The following OC90 variants were observed in gnomAD, a reference collection of about 807,000 sequenced individuals.
OC90 encodes the protein otoconin 90.
In OC90, 46 loss-of-function variants were observed where a neutral mutation model predicts 47.3. The ratio of observed to expected loss-of-function variants is 0.97; its 90% CI spans 0.77 to 1.24. The LOEUF is 1.24. Ranked by LOEUF, OC90 falls within the 50% of genes most tolerant of loss-of-function variation. The pLI is 0.00. For synonymous variants in OC90, 271 were observed against 219.5 expected, an observed-to-expected ratio of 1.23 and a Z score of -2.07; for missense variants, 688 against 583.9, an observed-to-expected ratio of 1.18 and a Z score of -1.84.
chr8:132,036,728 G>A (rs1055933740), intron 9 of OC90, among the ~76,000 whole-genome samples: 1 of 152,240 alleles, frequency 6.6e-6, no homozygotes, highest in Admixed American at 6.5e-5. Context: ...GAAGGAAAAA[G>A]TCTCTAATCG....
At position 132,041,061 on chromosome 8, in the gene OC90, CT is replaced by C. The variant is rs1823045759; in HGVS notation, c.439del (p.Ser147AlafsTer24). ...ATGCTTACCACATATGATCTTCTTG[CT>C]GACACAATTGACCTCTGTGCTAAGT... ...AKLSTEVNCV[S>X]KKIICESKDN... On this transcript the variant is annotated frameshift_variant, in exon 6 of 14. Coordinates refer to ENST00000254627, the MANE Select transcript of OC90 (RefSeq NM_001080399.3). LOFTEE classifies it high-confidence loss of function. 6.2e-7 allele frequency: 1 copy of C among 1,602,150 alleles called. No homozygotes were observed.
chr8:132,033,234 G>A lies in OC90; in HGVS notation c.734-70C>T, dbSNP rs1278729530. ...AGGAGAGATTTGCAGATGGACATAC[G>A]AAAGCCAAATGCAAACAGATAGAAC... On this transcript the variant is annotated intron_variant, in intron 10 of 13. Transcript: ENST00000254627. The A allele has an allele frequency of 6.8e-6, 10 of 1,481,044 alleles. No individual in the cohort carries two copies. The East Asian group carries it at 1.6e-4, about 24-fold the overall frequency. 91.7% of individuals were successfully genotyped at this position (1,481,044 alleles called of 1,614,324 possible).
At chr8:132,037,275 T>G (rs1223907446) in intron 9 of OC90, among the ~76,000 whole-genome samples, 163 bp downstream of exon 9, 1 of 152,170 alleles carries the variant, frequency 6.6e-6, no homozygotes, top group East Asian at 1.9e-4. Flanking sequence ...TGGGAGGTGA[T>G]TGGATCATGG....
chr8:132,044,713 C>T (rs534809365), intron 3 of OC90, among the ~76,000 whole-genome samples: 111 of 152,254 alleles, frequency 7.3e-4, no homozygotes, highest in African/African-American at 2.6e-3. Context: ...GTACAAATGA[C>T]CCCTGGGTGG....
chr8:132,034,609 G>A (rs1052323720), intron 10 of OC90, among the ~76,000 whole-genome samples, 172 bp downstream of exon 10: 2 of 152,160 alleles, frequency 1.3e-5, no homozygotes, highest in South Asian at 4.1e-4. Flanking sequence ...ACCCTCCCTG[G>A]ACCAGCTGCC....
chr8:132,054,376 C>T (rs939405483), intron 2 of OC90, among the ~76,000 whole-genome samples: 12 of 152,318 alleles, frequency 7.9e-5, no homozygotes, highest in Non-Finnish European at 1.3e-4. Context: ...CATGTTTTTC[C>T]TCACAGGTGT....
At chr8:132,032,174 C>T (rs1212321674) in intron 11 of OC90, 122 bp from the exon 12 acceptor site, 5 of 830,272 alleles carry the variant, frequency 6.0e-6, no homozygotes, top group Non-Finnish European at 9.7e-6. Context: ...AACCCCATGT[C>T]TTACTCGTTG....
At chr8:132,034,472 T>C (rs547125408) in intron 10 of OC90, among the ~76,000 whole-genome samples, 1 of 152,324 alleles carries the variant, frequency 6.6e-6, no homozygotes, top group Non-Finnish European at 1.5e-5. Context: ...GAGCCCAGTG[T>C]CTGCTCTCTG....
chr8:132,043,331 T>G (rs16904580), intron 4 of OC90, among the ~76,000 whole-genome samples: 34,042 of 152,254 alleles, frequency 0.22, 4,145 homozygotes, highest in South Asian at 0.3. Context: ...TTTCTGTCAC[T>G]GCCAATTCAT....
chr8:132,054,828 G>T (rs1297271520), intron 2 of OC90, among the ~76,000 whole-genome samples, 153 bp downstream of exon 2: 1 of 152,024 alleles, frequency 6.6e-6, no homozygotes, highest in African/African-American at 2.4e-5. Flanking sequence ...AGACAGAGAG[G>T]AATATGTTTA....
chr8:132,047,323 CTTT>C (rs11339050), intron 2 of OC90, among the ~76,000 whole-genome samples: 3 of 150,578 alleles, frequency 2.0e-5, no homozygotes, highest in Non-Finnish European at 4.5e-5. Context: ...AGTCAGCTCA[CTTT>C]TTTTTTTATT....
chr8:132,031,905 C>T lies in OC90; in HGVS notation c.1007G>A (p.Gly336Asp), dbSNP rs1375621424. 3.1e-6 allele frequency: 5 copies of T among 1,613,994 alleles called. No individual in the cohort carries two copies. Among genetic ancestry groups the T allele is most frequent in the South Asian group, 1.1e-5 (1 of 91,082 alleles). The change falls in exon 12 of 14, where the codon GGC becomes GAC. Residue 336 changes from glycine (G) to aspartate (D), a missense_variant. By Grantham distance (94) the Gly-to-Asp change is moderately conservative (BLOSUM62 -1). Coordinates refer to ENST00000254627, the MANE Select transcript of OC90 (RefSeq NM_001080399.3). ...CCTGTCTAGGTCATCCCTTGGCTCG[C>T]CTCTTCCTTCTTGTCCACAGTAACA... ...YGCYCGQEGRGEPRDDLDRCC... is the reference protein window; with the variant it reads ...YGCYCGQEGRDEPRDDLDRCC...
At position 132,028,526 on chromosome 8, in the gene OC90, AAAAGAAAGAAAGAAAGAAAGAAAG is replaced by A. The variant is rs372685836; in HGVS notation, c.1138+523_1138+546del. Among the ~76,000 whole-genome samples the A allele has an allele frequency of 1.5e-3, 130 of 87,556 alleles. 1 individual carries two copies. Among genetic ancestry groups the A allele is most frequent in the Middle Eastern group, 6.7e-3 (1 of 150 alleles). The allele number at this position is 87,556 out of a possible 152,430, so 57.4% of individuals were successfully genotyped here. A position where few individuals can be genotyped will look rare whatever the true frequency, so the allele number is the denominator to read the frequency against. ...GAAAGAAAAAGAAAAAGAAAGAAAG[AAAAGAAAGAAAGAAAGAAAGAAAG>A]AAAGAAAGAAAGAAAGGAAGGAAGG... On this transcript the variant is annotated intron_variant, in intron 13 of 13. Coordinates refer to ENST00000254627, the MANE Select transcript of OC90 (RefSeq NM_001080399.3).
At chr8:132,038,675 G>T in intron 8 of OC90, 115 bp downstream of exon 8, 1 of 809,638 alleles carries the variant, frequency 1.2e-6, no homozygotes, top group Non-Finnish European at 2.1e-6. Context: ...CACTTCCAGT[G>T]TCACAGTCAC....
intron 9 of OC90, chr8:132,036,404 C>T: frequency 1.3e-6 from 1 of 780,830 alleles, no homozygotes; most frequent in Non-Finnish European, 2.4e-6. Context: ...CTGTCAGCCT[C>T]AGTCTCTGCA....
intron 2 of OC90, among the ~76,000 whole-genome samples, chr8:132,048,873 C>A (rs1449007826): frequency 2.6e-5 from 4 of 151,486 alleles, no homozygotes; most frequent in Admixed American, 6.6e-5. Context: ...CAGCTGCAAC[C>A]CCCTATGACC....
intron 11 of OC90, 39 bp from the exon 12 acceptor site, chr8:132,032,091 C>A (rs1446756061): frequency 6.3e-7 from 1 of 1,592,894 alleles, no homozygotes; most frequent in Non-Finnish European, 8.6e-7. Context: ...CAAGGACTGT[C>A]GGGGCAGCTG....
chr8:132,039,841 A>C (rs921291127), intron 6 of OC90, among the ~76,000 whole-genome samples: 3 of 151,896 alleles, frequency 2.0e-5, no homozygotes, highest in Admixed American at 6.6e-5. Context: ...CTCAACCCTC[A>C]TCATCTCCAG....
intron 11 of OC90, among the ~76,000 whole-genome samples, chr8:132,032,819 A>G (rs550319758): frequency 6.6e-6 from 1 of 152,312 alleles, no homozygotes; most frequent in African/African-American, 2.4e-5. Context: ...CTCAGAAGAC[A>G]GTGGCTCCTC....
Sources: gnomAD v4.1 joint callset for allele counts (sites outside exome capture counted in the v4.1 genomes callset) on GRCh38, gnomAD v4.1.1 for gene constraint, MANE v1.5 for transcripts, NCBI Gene and HGNC (gene_info 2026-07-23, HGNC 2026-07-21) for gene names.